GRHL1: variants seen among roughly 807,000 people sequenced by gnomAD.
The protein encoded by GRHL1 is grainyhead-like protein 1 homolog.
In GRHL1, 38 loss-of-function variants were observed where a neutral mutation model predicts 75.7. That is an observed-to-expected ratio of 0.50 (90% CI 0.39 to 0.66). GRHL1 has a LOEUF of 0.66. Ranked by LOEUF, GRHL1 falls within the 30% of genes least tolerant of loss-of-function variation. The pLI is 0.00. For missense variants in GRHL1, 589 were observed against 767.5 expected, an observed-to-expected ratio of 0.77 and a Z score of 2.75; for synonymous variants, 266 against 279.4, an observed-to-expected ratio of 0.95 and a Z score of 0.48.
chr2:9,951,710 C>G lies in GRHL1; in HGVS notation c.-124C>G, dbSNP rs1666769932. On this transcript the variant is annotated 5_prime_UTR_variant, in exon 1 of 16. Coordinates refer to ENST00000324907, the MANE Select transcript of GRHL1 (RefSeq NM_198182.3). This position sits in a 1 kb window ranked among gnomAD's most constrained non-coding sequence, Gnocchi z 4.2. ...GCCGGCTCAGAGCGAGAAAAGCAAACCCAACCCGTCGGGGCCGCCGCTCCG... is the reference window on the plus strand; with the variant it reads ...GCCGGCTCAGAGCGAGAAAAGCAAAGCCAACCCGTCGGGGCCGCCGCTCCG... 1.1e-6 allele frequency: 1 copy of G among 905,228 alleles called. No homozygotes were observed. The highest frequency in any genetic ancestry group is 1.6e-6 in the Non-Finnish European group (1 of 612,994). The allele number at this position is 905,228 out of a possible 1,614,324, so 56.1% of individuals were successfully genotyped here. A position where few individuals can be genotyped will look rare whatever the true frequency, so the allele number is the denominator to read the frequency against.
At chr2:9,971,619 G>A (rs759425930) in intron 8 of GRHL1, among the ~76,000 whole-genome samples, 10 of 152,138 alleles carry the variant, frequency 6.6e-5, no homozygotes, top group Admixed American at 3.3e-4. Context: ...TTTTTCTTAT[G>A]CAGTTTAGCA....
At chr2:9,994,968 G>A (rs144398039) in intron 12 of GRHL1, among the ~76,000 whole-genome samples, 2 of 152,202 alleles carry the variant, frequency 1.3e-5, no homozygotes, top group Non-Finnish European at 2.9e-5. Context: ...TCTGCTTGAA[G>A]GTCCTGGGGT....
Position 10,000,687 on chromosome 2 carries a change from C to G in GRHL1, c.1837C>G (p.Leu613Val). 5 of 1,600,712 alleles carry G rather than the reference C, an allele frequency of 3.1e-6. No individual in the cohort carries two copies. The highest frequency in any genetic ancestry group is 3.3e-4 in the Middle Eastern group (2 of 6,046). ...TGAAGAAGCCGGGGGGTCTTACAAG[C>G]TCACCCTGACGGAGATCTAAAGGCC... ...QIEEAGGSYK[L>V]TLTEI The change falls in exon 16 of 16, where the codon CTC becomes GTC. Residue 613 changes from leucine (L) to valine (V), a missense_variant. Transcript: ENST00000324907.
chr2:9,989,845 C>T (rs916040267), intron 9 of GRHL1, among the ~76,000 whole-genome samples: 1 of 152,130 alleles, frequency 6.6e-6, no homozygotes, highest in East Asian at 1.9e-4. Flanking sequence ...CCACCGCGCC[C>T]AGCCCACTTG....
In GRHL1 at chr2:9,992,872, AG is replaced by A. The variant is rs1668702460; in HGVS notation, c.1462-333del. Among the ~76,000 whole-genome samples, 1 of 152,198 alleles carries A rather than the reference AG, an allele frequency of 6.6e-6. No individual in the cohort carries two copies. The highest frequency in any genetic ancestry group is 2.4e-5 in the African/African-American group (1 of 41,456). Reference sequence around the variant, plus strand: ...GTTTTTGTGAAGGGCTGGGCCGTAAAGGTTTTCAGCTTTTGGGGCCCCGTGG... The same window carrying A: ...GTTTTTGTGAAGGGCTGGGCCGTAAAGTTTTCAGCTTTTGGGGCCCCGTGG... On this transcript the variant is annotated intron_variant, in intron 11 of 15. Transcript: ENST00000324907. This position sits in a 1 kb window ranked among gnomAD's most constrained non-coding sequence, Gnocchi z 4.6.
intron 8 of GRHL1, among the ~76,000 whole-genome samples, chr2:9,973,492 G>T (rs895604303): frequency 6.6e-6 from 1 of 152,164 alleles, no homozygotes; most frequent in Non-Finnish European, 1.5e-5. Context: ...ATTCAACTTT[G>T]ATTTGTTAGT....
chr2:9,996,435 A>C (rs1668865049), intron 14 of GRHL1, 34 bp downstream of exon 14: 1 of 1,283,308 alleles, frequency 7.8e-7, no homozygotes, highest in African/African-American at 1.5e-5. Flanking sequence ...CCCCTGTACA[A>C]AATGAAAGGA....
rs765721713 is a variant in GRHL1, at chr2:9,991,988, T to A, written c.1322-19T>A. 32 of 1,543,316 alleles carry A rather than the reference T, an allele frequency of 2.1e-5. No homozygotes were observed. Among genetic ancestry groups the A allele is most frequent in the East Asian group, 4.8e-5 (2 of 41,408 alleles). On this transcript the variant is annotated intron_variant, in intron 10 of 15. Coordinates refer to ENST00000324907, the MANE Select transcript of GRHL1 (RefSeq NM_198182.3). ...CCTTTGACCTTGGCTTCCTCTTTTT[T>A]AATTTTTTTTTTTTTCAGTTTCTGA...
At chr2:9,996,615 A>C (rs1421634346) in intron 14 of GRHL1, among the ~76,000 whole-genome samples, 1 of 152,224 alleles carries the variant, frequency 6.6e-6, no homozygotes, top group Admixed American at 6.5e-5. Flanking sequence ...ACTGAAGTGA[A>C]TGCATCTGTG....
intron 15 of GRHL1, among the ~76,000 whole-genome samples, chr2:10,000,362 GATATAA>G (rs1558323031): frequency 6.6e-6 from 1 of 152,146 alleles, no homozygotes; most frequent in African/African-American, 2.4e-5. Flanking sequence ...CAAATGCTAT[GATATAA>G]ATATATCACC....
intron 1 of GRHL1, 77 bp from the exon 2 acceptor site, chr2:9,954,838 T>C: frequency 8.7e-7 from 1 of 1,152,952 alleles, no homozygotes; most frequent in Non-Finnish European, 1.3e-6. Flanking sequence ...TTTATAGGAA[T>C]GTCAAGGAAT....
chr2:9,955,341 A>G lies in GRHL1; in HGVS notation c.207+240A>G, dbSNP rs184356002. Among the ~76,000 whole-genome samples the G allele has an allele frequency of 7.1e-3, 1,076 of 152,346 alleles. 15 individuals carry two copies. The highest frequency in any genetic ancestry group is 0.023 in the African/African-American group (977 of 41,576). ...CTGCTGTGGCTCTATCCAGAAGGTG[A>G]AGCTACCGTAAAAGAAGATGCTAGA... On this transcript the variant is annotated intron_variant, in intron 2 of 15. Coordinates refer to ENST00000324907, the MANE Select transcript of GRHL1 (RefSeq NM_198182.3).
At chr2:9,966,043 A>G (rs1440253012) in intron 8 of GRHL1, 1 of 152,164 alleles carries the variant, frequency 6.6e-6, no homozygotes, top group African/African-American at 2.4e-5. Flanking sequence ...TCTCCACTCA[A>G]TTATTAGAGT....
intron 3 of GRHL1, 34 bp downstream of exon 3, chr2:9,958,890 A>T (rs1396684833): frequency 1.2e-6 from 2 of 1,606,778 alleles, no homozygotes; most frequent in Non-Finnish European, 1.7e-6. Context: ...TAAAGAGTGC[A>T]GGGGGAAATG....
intron 8 of GRHL1, among the ~76,000 whole-genome samples, chr2:9,979,151 C>CAAAAAGAAAAAAAAAAAAAAAA (rs1668084547): frequency 1.7e-5 from 1 of 60,380 alleles, no homozygotes; most frequent in Non-Finnish European, 2.9e-5. Context: ...GACTCTCTCT[C>CAAAAAGAAAAAAAAAAAAAAAA]AAAAAAAAAA....
intron 14 of GRHL1, among the ~76,000 whole-genome samples, chr2:9,998,609 TAC>T (rs747125293): frequency 0.013 from 664 of 49,278 alleles, 148 homozygotes; most frequent in Non-Finnish European, 0.018. Flanking sequence ...CATATATATA[TAC>T]ATATATATGT....
intron 1 of GRHL1, 88 bp from the exon 2 acceptor site, chr2:9,954,827 T>C: frequency 1.8e-6 from 2 of 1,107,798 alleles, no homozygotes; most frequent in Non-Finnish European, 2.7e-6. Flanking sequence ...CAATAGGCTA[T>C]TTTATAGGAA....
intron 15 of GRHL1, among the ~76,000 whole-genome samples, chr2:10,000,176 G>A (rs186278399): frequency 2.4e-4 from 37 of 152,252 alleles, no homozygotes; most frequent in African/African-American, 8.9e-4. Context: ...TGTAGAAATG[G>A]GATCTTGCTA....
intron 2 of GRHL1, among the ~76,000 whole-genome samples, chr2:9,955,745 C>T (rs1666991219): frequency 6.6e-6 from 1 of 152,238 alleles, no homozygotes; most frequent in African/African-American, 2.4e-5. Flanking sequence ...ACTTCTCACT[C>T]AGAGGTCACA....
Sources: allele counts gnomAD v4.1 joint callset (sites outside exome capture counted in the v4.1 genomes callset), GRCh38; gene constraint gnomAD v4.1.1; non-coding constraint Gnocchi (gnomAD v3.1); transcripts MANE v1.5; gene names NCBI Gene and HGNC (gene_info 2026-07-23, HGNC 2026-07-21).